Variants in MARF1 observed in about 807,000 individuals in gnomAD.
MARF1 encodes limkain-b1.
Under a neutral mutation model 168.2 loss-of-function variants are expected in MARF1, and 24 were observed. The ratio of observed to expected loss-of-function variants is 0.14; its 90% confidence interval spans 0.10 to 0.20. The LOEUF is 0.20. Ranked by LOEUF, MARF1 falls within the 10% of genes least tolerant of loss-of-function variation. MARF1 has a pLI of 1.00. For synonymous variants in MARF1, 868 were observed against 822.4 expected (o/e 1.06, Z -0.95); for missense variants, 1,744 against 2,143.6 (o/e 0.81, Z 3.68).
intron 18 of MARF1, 134 bp downstream of exon 18, chr16:15,611,458 A>AT (rs2033549381): frequency 1.2e-6 from 1 of 825,978 alleles, no homozygotes; most frequent in Non-Finnish European, 1.8e-6. Flanking sequence ...AAAAAAAAAA[A>AT]AAAAAAACAA....
intron 3 of MARF1, 74 bp from the exon 4 acceptor site, chr16:15,635,005 C>A: frequency 2.3e-6 from 3 of 1,292,070 alleles, no homozygotes; most frequent in Non-Finnish European, 2.2e-6. Context: ...TATACAACAA[C>A]TGAAAATACA....
chr16:15,605,112 C>T (rs2032890069), intron 21 of MARF1, among the ~76,000 whole-genome samples: 1 of 152,228 alleles, frequency 6.6e-6, no homozygotes, highest in Non-Finnish European at 1.5e-5. Context: ...GGTGACTGAG[C>T]CAGCAGGCTG....
chr16:15,613,659 C>CTAAATAAA (rs2033775400), intron 16 of MARF1, among the ~76,000 whole-genome samples: 1 of 24,478 alleles, frequency 4.1e-5, no homozygotes, highest in Admixed American at 4.0e-4. Context: ...GAGATTCCGT[C>CTAAATAAA]TCAATAAATA....
intron 18 of MARF1, 50 bp downstream of exon 18, chr16:15,611,542 A>C (rs1008847398): frequency 6.4e-7 from 1 of 1,556,412 alleles, no homozygotes; most frequent in East Asian, 2.3e-5. Flanking sequence ...GGCAGAAGAT[A>C]AAATGTCCTA....
chr16:15,634,607 A>T (rs938402422), intron 4 of MARF1, 150 bp downstream of exon 4: 9 of 691,396 alleles, frequency 1.3e-5, no homozygotes, highest in Non-Finnish European at 2.0e-5. Context: ...TAATAATAAA[A>T]AGATTTCTAC....
At chr16:15,608,600 G>C in intron 20 of MARF1, 82 bp from the exon 21 acceptor site, 2 of 996,582 alleles carry the variant, frequency 2.0e-6, no homozygotes, top group East Asian at 2.6e-5. Context: ...TATGCAGCTA[G>C]TAATGAAAAA....
At position 15,617,310 on chromosome 16, in the gene MARF1, A is replaced by G; in HGVS notation, c.2946T>C (p.Asn982=). Residue 982 remains asparagine (N), a synonymous_variant, in exon 14 of 27, where the codon AAT becomes AAC. Transcript: ENST00000396368. Reference sequence around the variant, plus strand: ...AACGAACGGCACACCTGAAATCCTTATTGGAACAATGCTGTCTGCAGACAG... The same window carrying G: ...AACGAACGGCACACCTGAAATCCTTGTTGGAACAATGCTGTCTGCAGACAG... ...HEPVCRQHCS[N]KDFSEHEFDP... 6.2e-7 allele frequency: 1 copy of G among 1,613,778 alleles called. No individual in the cohort carries two copies. The highest frequency in any genetic ancestry group is 8.5e-7 in the Non-Finnish European group (1 of 1,179,648).
chr16:15,643,122 G>C lies in MARF1; in HGVS notation c.-163C>G. ...TCCCGACTCCGCAGCTCCCGCCGCC[G>C]CCGCCAAGCGCACCCTTCACTTCCG... On this transcript the variant is annotated 5_prime_UTR_variant, in exon 1 of 27. Transcript: ENST00000396368. 1 of 184,706 alleles carries C rather than the reference G, an allele frequency of 5.4e-6. No homozygotes were observed. The highest frequency in any genetic ancestry group is 1.0e-5 in the Non-Finnish European group (1 of 95,434). 11.4% of individuals were successfully genotyped at this position (184,706 alleles called of 1,614,324 possible).
In MARF1 at chr16:15,632,202, G is replaced by A. The variant is rs956668558; in HGVS notation, c.1234-704C>T. 2.0e-5 allele frequency among the ~76,000 whole-genome samples: 3 copies of A among 152,130 alleles called. No homozygotes were observed. The East Asian group carries it at 5.8e-4, about 29-fold the overall frequency. On this transcript the variant is annotated intron_variant, in intron 5 of 26. Transcript: ENST00000396368. The stretch of plus-strand genomic sequence containing the variant: ...CCTTTCAGAAAATAAGTAGAATATA[G>A]GAAGTGAAATTTGAACTCAGTTAAA...
At chr16:15,600,135 A>G (rs776673895) in intron 25 of MARF1, among the ~76,000 whole-genome samples, 2 of 152,122 alleles carry the variant, frequency 1.3e-5, no homozygotes, top group Non-Finnish European at 2.9e-5. Context: ...ATCCATTATA[A>G]TAAGTGTCGG....
At chr16:15,621,710 T>C (rs774554975) in intron 12 of MARF1, 23 bp downstream of exon 12, 2 of 1,595,972 alleles carry the variant, frequency 1.3e-6, no homozygotes, top group Non-Finnish European at 1.7e-6. Flanking sequence ...TTTCCTGAAA[T>C]AAACAGCTTG....
chr16:15,623,126 G>C lies in MARF1; in HGVS notation c.2271-3C>G. On this transcript the variant is annotated splice_region_variant and splice_polypyrimidine_tract_variant and intron_variant, in intron 10 of 26. Transcript: ENST00000396368. ...TTAAAAGGTTTGGAGACATACTCCT[G>C]CTTAAAACACACATATTGACATTAT... 1 of 1,573,424 alleles carries C rather than the reference G, an allele frequency of 6.4e-7. No individual in the cohort carries two copies. Among genetic ancestry groups the C allele is most frequent in the Non-Finnish European group, 8.7e-7 (1 of 1,150,570 alleles).
In MARF1 at chr16:15,602,221, G is replaced by A. The variant is rs761006243; in HGVS notation, c.4414-18C>T. 14 of 1,603,894 alleles carry A rather than the reference G, an allele frequency of 8.7e-6. No individual in the cohort carries two copies. The highest frequency in any genetic ancestry group is 2.2e-5 in the East Asian group (1 of 44,852). ...GTGAAAACCTGGTTAAAAAGAAAAC[G>A]CAGCATTAGAAATATTAGTGACTGG... On this transcript the variant is annotated intron_variant, in intron 22 of 26. Coordinates refer to ENST00000396368, the MANE Select transcript of MARF1 (RefSeq NM_014647.4).
chr16:15,604,034 G>C lies in MARF1; in HGVS notation c.4413+134C>G, dbSNP rs941520799. 2.0e-5 allele frequency: 14 copies of C among 690,804 alleles called. No individual in the cohort carries two copies. In the Admixed American group the frequency reaches 3.8e-4, roughly 19 times the overall value. The allele number at this position is 690,804 out of a possible 1,614,324, so 42.8% of individuals were successfully genotyped here. ...GGGCTGCTTCACTGCCTGAGGTCTC[G>C]GCGTGTTCATCCATGAAATGGTCTC... On this transcript the variant is annotated intron_variant, in intron 22 of 26. Transcript: ENST00000396368.
intron 11 of MARF1, 58 bp from the exon 12 acceptor site, chr16:15,621,969 A>C: frequency 1.3e-6 from 2 of 1,517,438 alleles, no homozygotes; most frequent in South Asian, 2.3e-5. Context: ...TGTCGTCTTA[A>C]AACTGAAGGT....
intron 20 of MARF1, 133 bp from the exon 21 acceptor site, chr16:15,608,651 G>A (rs887497781): frequency 6.2e-6 from 4 of 648,202 alleles, no homozygotes; most frequent in Admixed American, 5.7e-5. Flanking sequence ...TTTCAGTTGT[G>A]TAAGATGAAA....
chr16:15,633,877 G>A, intron 4 of MARF1, 34 bp from the exon 5 acceptor site: 1 of 1,507,008 alleles, frequency 6.6e-7, no homozygotes, highest in Non-Finnish European at 9.1e-7. Context: ...ATTACTTGTA[G>A]TGGAAAATAA....
At chr16:15,602,430 G>C (rs1703387835) in intron 22 of MARF1, 2 of 602,994 alleles carry the variant, frequency 3.3e-6, no homozygotes, top group Non-Finnish European at 2.9e-6. Context: ...TGAAGACAAA[G>C]ACGACGAGAC....
rs774188740 is a variant in MARF1 at position 15,604,315 on chromosome 16, C to T, written c.4266G>A (p.Leu1422=). 3.7e-6 allele frequency: 6 copies of T among 1,614,126 alleles called. No homozygotes were observed. Among genetic ancestry groups the T allele is most frequent in the Non-Finnish European group, 5.1e-6 (6 of 1,180,002 alleles). Reference sequence around the variant, plus strand: ...GGGTGGTTCCTTCCCAAGACATCAACAATACCAGCAACTGGGCAGTGAGAG... The same window carrying T: ...GGGTGGTTCCTTCCCAAGACATCAATAATACCAGCAACTGGGCAGTGAGAG... ...LRSLTAQLLV[L]LMSWEGTTHL... Residue 1422 remains leucine (L), a synonymous_variant, in exon 22 of 27, where the codon TTG becomes TTA. Coordinates refer to ENST00000396368, the MANE Select transcript of MARF1 (RefSeq NM_014647.4).
Sources: gnomAD v4.1 joint callset for allele counts (sites outside exome capture counted in the v4.1 genomes callset) on GRCh38, gnomAD v4.1.1 for gene constraint, MANE v1.5 for transcripts, NCBI Gene and HGNC (gene_info 2026-07-23, HGNC 2026-07-21) for gene names.